SLC24A2: variants seen among roughly 807,000 people sequenced by gnomAD.
The protein encoded by SLC24A2 is sodium/potassium/calcium exchanger 2.
SLC24A2 carries 36 observed loss-of-function variants against 62.0 expected under a neutral mutation model. That is an observed-to-expected ratio of 0.58 (90% CI 0.44 to 0.77). The LOEUF is 0.77. Among genes scored for constraint, SLC24A2 ranks in the 30% least tolerant of loss-of-function variants. The pLI, the probability that SLC24A2 is intolerant of heterozygous loss-of-function variation, is 0.00. For missense variants in SLC24A2, 846 were observed against 817.9 expected (o/e 1.03, Z -0.42); for synonymous variants, 358 against 294.0 (o/e 1.22, Z -2.23).
chr9:20,090,815 C>G, the SLC24A2 span, among the ~76,000 whole-genome samples: 1 of 152,160 alleles, frequency 6.6e-6, no homozygotes, highest in Non-Finnish European at 1.5e-5. Context: ...GTCCTCCAAA[C>G]AACTGTACAA....
chr9:19,798,596 T>TA, the SLC24A2 span, among the ~76,000 whole-genome samples: 7 of 84,400 alleles, frequency 8.3e-5, no homozygotes, highest in African/African-American at 1.6e-4. Flanking sequence ...AAATCCTTTA[T>TA]ACCACACACA....
chr9:20,019,519 G>C, the SLC24A2 span, among the ~76,000 whole-genome samples: 35 of 152,268 alleles, frequency 2.3e-4, no homozygotes. Flanking sequence ...TGAGGCCTCT[G>C]TTCTGTCCCA....
chr9:19,912,022 A>G, the SLC24A2 span, among the ~76,000 whole-genome samples: 1 of 152,168 alleles, frequency 6.6e-6, no homozygotes, highest in Non-Finnish European at 1.5e-5. Context: ...ATGTATATTT[A>G]TATTTTAAGC....
chr9:19,777,220 T>C lies in SLC24A2; in HGVS notation c.930+8717A>G, dbSNP rs1822871698. ...AAGGACACAGGAAACTGGCAATCTA[T>C]AAAAGAAAAATGTCATTCTTCATAA... On this transcript the variant is annotated intron_variant, in intron 2 of 10. Transcript: ENST00000341998. 2.0e-5 allele frequency among the ~76,000 whole-genome samples: 3 copies of C among 152,144 alleles called. No individual in the cohort carries two copies. In the South Asian group the frequency reaches 6.2e-4, roughly 31 times the overall value.
At chr9:19,694,591 A>G (rs1820132143) in intron 2 of SLC24A2, among the ~76,000 whole-genome samples, 1 of 152,224 alleles carries the variant, frequency 6.6e-6, no homozygotes, top group South Asian at 2.1e-4. Flanking sequence ...AATATGCATC[A>G]AGGGTTAAAA....
intron 2 of SLC24A2, among the ~76,000 whole-genome samples, chr9:19,768,344 T>C (rs940225895): frequency 2.0e-5 from 3 of 152,160 alleles, no homozygotes; most frequent in African/African-American, 7.2e-5. Context: ...AAGCTTCTCT[T>C]ACCAAGTCGC....
chr9:19,891,731 G>A, the SLC24A2 span, among the ~76,000 whole-genome samples: 1 of 152,082 alleles, frequency 6.6e-6, no homozygotes, highest in African/African-American at 2.4e-5. Flanking sequence ...GGGTGACAGA[G>A]CGAGATCCTG....
the SLC24A2 span, among the ~76,000 whole-genome samples, chr9:19,970,139 C>T: frequency 6.6e-6 from 1 of 152,176 alleles, no homozygotes; most frequent in Non-Finnish European, 1.5e-5. Context: ...CATCACCCCT[C>T]CACGCATAAC....
chr9:19,583,275 A>T (rs1836261676), intron 5 of SLC24A2, among the ~76,000 whole-genome samples: 1 of 152,144 alleles, frequency 6.6e-6, no homozygotes, highest in Non-Finnish European at 1.5e-5. Flanking sequence ...TACCTGGAGT[A>T]TTCTTCCCCC....
chr9:19,874,371 A>G, the SLC24A2 span, among the ~76,000 whole-genome samples: 1 of 152,132 alleles, frequency 6.6e-6, no homozygotes, highest in Non-Finnish European at 1.5e-5. Context: ...TGTTGCCCAG[A>G]AAAGATAATA....
intron 5 of SLC24A2, among the ~76,000 whole-genome samples, chr9:19,590,438 G>C (rs1309082342): frequency 6.6e-6 from 1 of 151,998 alleles, no homozygotes; most frequent in Non-Finnish European, 1.5e-5. Flanking sequence ...CCCTTGAAAA[G>C]TGGCAGCTGC....
the SLC24A2 span, among the ~76,000 whole-genome samples, chr9:20,004,224 T>C: frequency 1.3e-5 from 2 of 152,228 alleles, no homozygotes; most frequent in Non-Finnish European, 2.9e-5. Context: ...TCATAACCTT[T>C]GCTTCCCAAA....
chr9:20,128,208 T>C, the SLC24A2 span, among the ~76,000 whole-genome samples: 1 of 152,166 alleles, frequency 6.6e-6, no homozygotes. Flanking sequence ...ATACATACTA[T>C]AGTCCACCTA....
At chr9:20,020,684 G>A in the SLC24A2 span, among the ~76,000 whole-genome samples, 1 of 152,030 alleles carries the variant, frequency 6.6e-6, no homozygotes, top group Non-Finnish European at 1.5e-5. Flanking sequence ...ACAAACCTGC[G>A]TGTTCTGCAC....
intron 8 of SLC24A2, among the ~76,000 whole-genome samples, chr9:19,541,483 CCCCTGCTGGGGGGTG>C (rs1466181018): frequency 8.6e-5 from 13 of 150,754 alleles, no homozygotes; most frequent in African/African-American, 2.9e-4. Flanking sequence ...TGTCAGTGTG[CCCCTGCTGGGGGGTG>C]CCTCCCAGTT....
chr9:19,528,541 T>C (rs1833541299), intron 8 of SLC24A2, among the ~76,000 whole-genome samples: 1 of 152,172 alleles, frequency 6.6e-6, no homozygotes, highest in Admixed American at 6.6e-5. Context: ...CAGTTTCTAT[T>C]GCTTGCAAAC....
chr9:20,262,796 T>G, the SLC24A2 span, among the ~76,000 whole-genome samples: 1 of 152,232 alleles, frequency 6.6e-6, no homozygotes, highest in African/African-American at 2.4e-5. Flanking sequence ...TCCCACTCTC[T>G]GCCCCTCGTC....
At chr9:20,050,067 A>G in the SLC24A2 span, among the ~76,000 whole-genome samples, 1 of 151,958 alleles carries the variant, frequency 6.6e-6, no homozygotes, top group Non-Finnish European at 1.5e-5. Context: ...TATGAAATAT[A>G]TCTGTTATCA....
chr9:20,018,104 G>A, the SLC24A2 span, among the ~76,000 whole-genome samples: 1 of 152,130 alleles, frequency 6.6e-6, no homozygotes, highest in Admixed American at 6.5e-5. Flanking sequence ...CCGCCACCAG[G>A]CCCGGCTAAT....
Sources: gnomAD v4.1 joint callset for allele counts (sites outside exome capture counted in the v4.1 genomes callset) on GRCh38, gnomAD v4.1.1 for gene constraint, MANE v1.5 for transcripts, NCBI Gene and HGNC (gene_info 2026-07-23, HGNC 2026-07-21) for gene names.